The following CPD variants were observed in gnomAD, a reference collection of about 807,000 sequenced individuals.
CPD encodes metallocarboxypeptidase D.
Under a neutral mutation model 138.3 loss-of-function variants are expected in CPD, and 69 were observed. That is an observed-to-expected ratio of 0.50 (90% CI 0.41 to 0.61). The LOEUF is 0.61. Ranked by LOEUF, CPD falls within the 20% of genes least tolerant of loss-of-function variation. CPD has a pLI of 0.00. For missense variants in CPD, 1,432 were observed against 1,733.3 expected (o/e 0.83, Z 3.09); for synonymous variants, 651 against 642.1 (o/e 1.01, Z -0.21).
chr17:30,445,328 G>C (rs1263419323), intron 11 of CPD, among the ~76,000 whole-genome samples: 1 of 152,022 alleles, frequency 6.6e-6, no homozygotes, highest in African/African-American at 2.4e-5. Context: ...ATCCAGGCAT[G>C]GTGGTGGGCA....
At chr17:30,455,932 G>T in intron 15 of CPD, 1 of 303,178 alleles carries the variant, frequency 3.3e-6, no homozygotes, top group Non-Finnish European at 6.2e-6. Flanking sequence ...AGTTTGGGTG[G>T]TTTTCAGTGC....
rs1472598409 is a variant in CPD, at chr17:30,465,084, C to T, written c.*270C>T. 2.6e-6 allele frequency: 1 copy of T among 381,288 alleles called. No individual in the cohort carries two copies. Among genetic ancestry groups the T allele is most frequent in the African/African-American group, 2.0e-5 (1 of 48,818 alleles). The allele number at this position is 381,288 out of a possible 1,614,324, so 23.6% of individuals were successfully genotyped here. A position where few individuals can be genotyped will look rare whatever the true frequency, so the allele number is the denominator to read the frequency against. ...TTAATTTAAGATGAGCTATTTGGAG[C>T]TTATGTAATAATGGCATAAAGCCAA... On this transcript the variant is annotated 3_prime_UTR_variant, in exon 21 of 21. Transcript: ENST00000225719.
intron 7 of CPD, among the ~76,000 whole-genome samples, chr17:30,429,536 A>G (rs1912507554): frequency 6.6e-6 from 1 of 152,218 alleles, no homozygotes. Context: ...AAATCCTCAT[A>G]GAGTCCGCAG....
intron 2 of CPD, among the ~76,000 whole-genome samples, chr17:30,407,053 G>C (rs1911820304): frequency 6.6e-6 from 1 of 152,172 alleles, no homozygotes; most frequent in Admixed American, 6.5e-5. Context: ...CTATGAGTGA[G>C]AACATACGGT....
intron 2 of CPD, among the ~76,000 whole-genome samples, chr17:30,385,661 A>G (rs913616645): frequency 3.9e-5 from 6 of 151,958 alleles, no homozygotes; most frequent in Admixed American, 2.0e-4. Context: ...TACTATTACC[A>G]TAACTGAGAA....
At chr17:30,435,050 A>C (rs1912663721) in intron 8 of CPD, among the ~76,000 whole-genome samples, 1 of 152,110 alleles carries the variant, frequency 6.6e-6, no homozygotes, top group Admixed American at 6.6e-5. Context: ...GATTAAGTAT[A>C]CCCAAATATA....
intron 2 of CPD, among the ~76,000 whole-genome samples, chr17:30,390,888 G>A (rs1262923269): frequency 6.6e-6 from 1 of 151,184 alleles, no homozygotes; most frequent in Non-Finnish European, 1.5e-5. Context: ...GGAGTGCAAT[G>A]GCACAATCTC....
intron 20 of CPD, among the ~76,000 whole-genome samples, 187 bp downstream of exon 20, chr17:30,462,656 G>A (rs565299013): frequency 6.1e-4 from 93 of 152,040 alleles, no homozygotes; most frequent in Middle Eastern, 3.4e-3. Context: ...TTTCTCTGCC[G>A]AGACCAGCTC....
intron 1 of CPD, among the ~76,000 whole-genome samples, chr17:30,383,897 A>G (rs1220494399): frequency 2.6e-5 from 4 of 152,338 alleles, no homozygotes; most frequent in Admixed American, 2.6e-4. Context: ...AAGCTGTTAT[A>G]TAAGGGAAAG....
At chr17:30,463,952 TA>T (rs1482499805) in intron 20 of CPD, among the ~76,000 whole-genome samples, 1 of 151,964 alleles carries the variant, frequency 6.6e-6, no homozygotes, top group Admixed American at 6.6e-5. Flanking sequence ...AAATTTAAAA[TA>T]AACAAGGAGA....
intron 2 of CPD, among the ~76,000 whole-genome samples, chr17:30,396,402 A>G (rs1028023901): frequency 2.0e-5 from 3 of 151,964 alleles, no homozygotes; most frequent in South Asian, 2.1e-4. Flanking sequence ...AAAACTTGCT[A>G]TGTTTCTTAA....
chr17:30,458,885 A>G (rs546700059), intron 17 of CPD, among the ~76,000 whole-genome samples: 1 of 151,954 alleles, frequency 6.6e-6, no homozygotes, highest in African/African-American at 2.4e-5. Flanking sequence ...AAAAAGAAAA[A>G]AAAGAGTTTT....
At chr17:30,416,090 T>C (rs996093023) in intron 2 of CPD, among the ~76,000 whole-genome samples, 13 of 152,188 alleles carry the variant, frequency 8.5e-5, no homozygotes, top group Non-Finnish European at 5.9e-5. Context: ...CCCAGCACTT[T>C]GGGAGGCCAA....
chr17:30,414,122 A>T (rs1057062281), intron 2 of CPD, among the ~76,000 whole-genome samples: 2 of 152,242 alleles, frequency 1.3e-5, no homozygotes, highest in East Asian at 1.9e-4. Context: ...TAGGCCACTG[A>T]AAAGACTTTG....
At chr17:30,416,532 A>T (rs897939657) in intron 2 of CPD, among the ~76,000 whole-genome samples, 6 of 152,176 alleles carry the variant, frequency 3.9e-5, no homozygotes, top group Non-Finnish European at 8.8e-5. Context: ...CTAGCTGCCA[A>T]AGCTGTTTAT....
intron 1 of CPD, chr17:30,380,634 A>G (rs1221319248): frequency 4.0e-6 from 6 of 1,515,192 alleles, no homozygotes; most frequent in Non-Finnish European, 5.3e-6. Context: ...TGTTATAAAT[A>G]TTTATGAGGT....
chr17:30,431,690 C>A (rs1912569751), intron 7 of CPD, 82 bp from the exon 8 acceptor site: 2 of 883,254 alleles, frequency 2.3e-6, no homozygotes, highest in African/African-American at 1.7e-5. Flanking sequence ...TTTCTCTTCT[C>A]TGGCAGTATT....
chr17:30,449,533 T>G lies in CPD; in HGVS notation c.2874-20T>G, dbSNP rs781032584. ...AGTGCTTGATTACTTGCTGATTTTT[T>G]TGTTTCTGGTTTTTGAAAGTTTGGG... On this transcript the variant is annotated intron_variant, in intron 12 of 20. Transcript: ENST00000225719. 6.4e-7 allele frequency: 1 copy of G among 1,560,696 alleles called. No homozygotes were observed. Among genetic ancestry groups the G allele is most frequent in the Non-Finnish European group, 8.6e-7 (1 of 1,164,076 alleles).
In CPD at chr17:30,456,012, T is replaced by G. The variant is rs1045513512; in HGVS notation, c.3338-244T>G. Reference sequence around the variant, plus strand: ...GCAGTAAGACATACCAAAACAAGTTTGTATTTTAGTGTGATAGTCTGTTGT... The same window carrying G: ...GCAGTAAGACATACCAAAACAAGTTGGTATTTTAGTGTGATAGTCTGTTGT... On this transcript the variant is annotated intron_variant, in intron 15 of 20. Transcript: ENST00000225719. 6.7e-5 allele frequency: 31 copies of G among 460,818 alleles called. 1 individual carries two copies. In the East Asian group the frequency reaches 1.1e-3, roughly 17 times the overall value. 28.5% of individuals were successfully genotyped at this position (460,818 alleles called of 1,614,324 possible).
Sources: allele counts gnomAD v4.1 joint callset (sites outside exome capture counted in the v4.1 genomes callset), GRCh38; gene constraint gnomAD v4.1.1; transcripts MANE v1.5; gene names NCBI Gene and HGNC (gene_info 2026-07-23, HGNC 2026-07-21).